The following ARHGDIA variants were observed in gnomAD, a reference collection of about 807,000 sequenced individuals.
ARHGDIA encodes rho GDP-dissociation inhibitor 1.
Under a neutral mutation model 25.0 loss-of-function variants are expected in ARHGDIA, and 9 were observed. The observed-to-expected ratio is 0.36, with a 90% confidence interval of 0.22 to 0.63. ARHGDIA has a LOEUF of 0.63. Ranked by LOEUF, ARHGDIA falls within the 20% of genes least tolerant of loss-of-function variation. ARHGDIA has a pLI of 0.69. For missense variants in ARHGDIA, 239 were observed against 264.3 expected, an observed-to-expected ratio of 0.90 and a Z score of 0.66; for synonymous variants, 166 against 111.5, an observed-to-expected ratio of 1.49 and a Z score of -3.08.
intron 3 of ARHGDIA, 57 bp downstream of exon 3, chr17:81,869,485 A>G (rs542316722): frequency 9.3e-5 from 149 of 1,607,198 alleles, no homozygotes; most frequent in Non-Finnish European, 1.2e-4. Context: ...CCCTGGCTGC[A>G]CTTCCCGAGA....
Position 81,869,734 on chromosome 17 carries a change from G to C in ARHGDIA, c.190+7C>G. The C allele has an allele frequency of 6.2e-7, 1 of 1,611,434 alleles. No individual in the cohort carries two copies. Among genetic ancestry groups the C allele is most frequent in the African/African-American group, 1.3e-5 (1 of 74,988 alleles). On this transcript the variant is annotated splice_region_variant and intron_variant, in intron 2 of 5. Coordinates refer to ENST00000269321, the MANE Select transcript of ARHGDIA (RefSeq NM_004309.6). ...GCGGCCACCCGGCTCCCGCAGCCCA[G>C]ACTCACCTGCGGAAACGGCCACGCG...
In ARHGDIA at chr17:81,868,734, CCAGGCCAGGGAGG is replaced by C. The variant is rs970320215; in HGVS notation, c.*129_*141del. The C allele has an allele frequency of 2.3e-5, 36 of 1,534,630 alleles. No individual in the cohort carries two copies. The highest frequency in any genetic ancestry group is 5.9e-5 in the Admixed American group (3 of 50,824). On this transcript the variant is annotated 3_prime_UTR_variant, in exon 6 of 6. Transcript: ENST00000269321. ...GGGGGGTCGGAGGCACTCGGTTGAG[CCAGGCCAGGGAGG>C]CGGACCAGGGTGGGAGGGGCACGGA...
At chr17:81,869,274 C>T (rs764587753) in intron 4 of ARHGDIA, 38 bp from the exon 5 acceptor site, 8 of 1,613,956 alleles carry the variant, frequency 5.0e-6, no homozygotes, top group African/African-American at 1.3e-5. Context: ...AAGGTCGGTC[C>T]GGACCCCAGC....
At position 81,869,402 on chromosome 17, in the gene ARHGDIA, G is replaced by A. The variant is rs759048894; in HGVS notation, c.279C>T (p.Asp93=). The part of the protein sequence containing the change: ...PGPLELDLTG[D]LESFKKQSFV... ...ACGACTGCTTCTTGAAGCTCTCCAG[G>A]TCGCCTGTTGGGGGGACCTCCCCCT... Residue 93 remains aspartate, a synonymous_variant, in exon 4 of 6, where the codon GAC becomes GAT. Coordinates refer to ENST00000269321, the MANE Select transcript of ARHGDIA (RefSeq NM_004309.6). 2.5e-6 allele frequency: 4 copies of A among 1,613,838 alleles called. No individual in the cohort carries two copies. The highest frequency in any genetic ancestry group is 3.4e-6 in the Non-Finnish European group (4 of 1,179,974).
In ARHGDIA at chr17:81,869,360, A is replaced by G. The variant is rs2039191384; in HGVS notation, c.321T>C (p.Gly107=). ...AAGAGATTTTTATCCGGTACTCCAC[A>G]CCCTCCTTCAGCACAAACGACTGCT... is the stretch of plus-strand genomic sequence containing the variant. ...FKKQSFVLKE[G]VEYRIKISFR... The change falls in exon 4 of 6, where the codon GGT becomes GGC. Residue 107 remains glycine (G), a synonymous_variant. Coordinates refer to ENST00000269321, the MANE Select transcript of ARHGDIA (RefSeq NM_004309.6). The G allele has an allele frequency of 1.2e-6, 2 of 1,613,100 alleles. No homozygotes were observed. Among genetic ancestry groups the G allele is most frequent in the African/African-American group, 2.7e-5 (2 of 74,632 alleles).
At chr17:81,871,084 GC>G (rs2039283000) in intron 1 of ARHGDIA, 1 of 147,058 alleles carries the variant, frequency 6.8e-6, no homozygotes, top group Non-Finnish European at 1.5e-5. Flanking sequence ...GGCCGCCGCC[GC>G]CCGGTCCCGC....
chr17:81,871,018 C>T (rs1598284017), intron 1 of ARHGDIA: 1 of 149,834 alleles, frequency 6.7e-6, no homozygotes, highest in African/African-American at 2.4e-5. Context: ...CGGGAGGGGC[C>T]GGCACTCCCC....
At chr17:81,870,216 A>G in intron 1 of ARHGDIA, 1 of 441,906 alleles carries the variant, frequency 2.3e-6, no homozygotes, top group Non-Finnish European at 4.1e-6. Flanking sequence ...TCCACGATGG[A>G]GGAGGCAGCA....
Position 81,868,699 on chromosome 17 carries a change from G to A in ARHGDIA, c.*177C>T, listed in dbSNP as rs970517789. 7.2e-6 allele frequency: 11 copies of A among 1,534,288 alleles called. No homozygotes were observed. Among genetic ancestry groups the A allele is most frequent in the Non-Finnish European group, 9.6e-6 (11 of 1,146,556 alleles). ...GGAGGCTGGGCCTGTGGGTGGGGGA[G>A]GGCTGAGGAGGGGGGTCGGAGGCAC... On this transcript the variant is annotated 3_prime_UTR_variant, in exon 6 of 6. Coordinates refer to ENST00000269321, the MANE Select transcript of ARHGDIA (RefSeq NM_004309.6).
In ARHGDIA at chr17:81,869,752, G is replaced by A. The variant is rs764329956; in HGVS notation, c.179C>T (p.Ala60Val). The A allele has an allele frequency of 6.2e-7, 1 of 1,612,948 alleles. No individual in the cohort carries two copies. The highest frequency in any genetic ancestry group is 2.2e-5 in the East Asian group (1 of 44,882). The change falls in exon 2 of 6, where the codon GCC becomes GTC. Residue 60 changes from alanine (A) to valine (V), a missense_variant. By Grantham distance (64) the Ala-to-Val change is moderately conservative (BLOSUM62 0). Transcript: ENST00000269321. ...CAGCCCAGACTCACCTGCGGAAACGGCCACGCGGCCCAGCAGGGCCTCCTT... is the reference window on the plus strand; with the variant it reads ...CAGCCCAGACTCACCTGCGGAAACGACCACGCGGCCCAGCAGGGCCTCCTT... ...KYKEALLGRVAVSADPNVPNV... is the reference protein window; with the variant it reads ...KYKEALLGRVVVSADPNVPNV...
In ARHGDIA at chr17:81,868,575, G is replaced by A; in HGVS notation, c.*301C>T. ...GAAGCCAGGCCTCGGGTGTGACGGG[G>A]AGATAGAACCTGGGGGGCACAGAAA... On this transcript the variant is annotated 3_prime_UTR_variant, in exon 6 of 6. Coordinates refer to ENST00000269321, the MANE Select transcript of ARHGDIA (RefSeq NM_004309.6). 2 of 1,535,462 alleles carry A rather than the reference G, an allele frequency of 1.3e-6. No individual in the cohort carries two copies. Among genetic ancestry groups the A allele is most frequent in the Non-Finnish European group, 1.7e-6 (2 of 1,146,684 alleles).
rs886337329 is a variant in ARHGDIA at position 81,868,821 on chromosome 17, C to T, written c.*55G>A. On this transcript the variant is annotated 3_prime_UTR_variant, in exon 6 of 6. Coordinates refer to ENST00000269321, the MANE Select transcript of ARHGDIA (RefSeq NM_004309.6). ...GGGAGGGGAGGGGCTGGGGGGGACA[C>T]ATCCGCCTGTCCGTCGTCCGTCCGT... 8 of 1,610,192 alleles carry T rather than the reference C, an allele frequency of 5.0e-6. No individual in the cohort carries two copies. The African/African-American group carries it at 6.7e-5, about 13-fold the overall frequency.
rs1460530512 is a variant in ARHGDIA at position 81,868,639 on chromosome 17, G to A, written c.*237C>T. ...CTGGCTGCGGCCTCTCTCCCCCACA[G>A]CACAGGCAGAAGCAGCAACGAGACA... is the stretch of plus-strand genomic sequence containing the variant. On this transcript the variant is annotated 3_prime_UTR_variant, in exon 6 of 6. Coordinates refer to ENST00000269321, the MANE Select transcript of ARHGDIA (RefSeq NM_004309.6). 1.3e-6 allele frequency: 2 copies of A among 1,535,262 alleles called. No homozygotes were observed. The highest frequency in any genetic ancestry group is 1.7e-6 in the Non-Finnish European group (2 of 1,146,784).
intron 1 of ARHGDIA, 101 bp from the exon 2 acceptor site, chr17:81,870,058 AG>A: frequency 8.3e-7 from 1 of 1,203,408 alleles, no homozygotes; most frequent in Non-Finnish European, 1.1e-6. Context: ...AAGGGCTCCA[AG>A]GGGGCCACCT....
Position 81,868,814 on chromosome 17 carries a change from G to T in ARHGDIA, c.*62C>A, listed in dbSNP as rs767150158. The stretch of plus-strand genomic sequence containing the variant: ...TGGTATGGGGAGGGGAGGGGCTGGG[G>T]GGGACACATCCGCCTGTCCGTCGTC... On this transcript the variant is annotated 3_prime_UTR_variant, in exon 6 of 6. Transcript: ENST00000269321. 1.2e-6 allele frequency: 2 copies of T among 1,607,334 alleles called. No homozygotes were observed. The highest frequency in any genetic ancestry group is 4.5e-5 in the East Asian group (2 of 44,664).
intron 4 of ARHGDIA, 34 bp downstream of exon 4, chr17:81,869,296 C>T: frequency 5.0e-6 from 8 of 1,614,096 alleles, no homozygotes; most frequent in Non-Finnish European, 6.8e-6. Context: ...CCAGCCCCGC[C>T]TCCATTCCCT....
chr17:81,868,848 A>C lies in ARHGDIA; in HGVS notation c.*28T>G, dbSNP rs2039159629. ...TCCGCCTGTCCGTCGTCCGTCCGTC[A>C]GTCTGCCCTGCCCGCCTCTGGCTGG... On this transcript the variant is annotated 3_prime_UTR_variant, in exon 6 of 6. Transcript: ENST00000269321. 1 of 1,612,992 alleles carries C rather than the reference A, an allele frequency of 6.2e-7. No individual in the cohort carries two copies.
At chr17:81,869,449 G>A (rs772569168) in intron 3 of ARHGDIA, 43 bp from the exon 4 acceptor site, 6 of 1,612,616 alleles carry the variant, frequency 3.7e-6, no homozygotes, top group Admixed American at 3.3e-5. Context: ...CAGCAGCCCT[G>A]CGCGAAGCCC....
In ARHGDIA at chr17:81,869,094, G is replaced by A. The variant is rs780734602; in HGVS notation, c.416-19C>T. On this transcript the variant is annotated intron_variant, in intron 5 of 5. Coordinates refer to ENST00000269321, the MANE Select transcript of ARHGDIA (RefSeq NM_004309.6). ...TTGTCAACTGCGGCACAAGGAAGAG[G>A]GCGGTCAGCGGCCCCGCTTCCCCGC... 3 of 1,612,638 alleles carry A rather than the reference G, an allele frequency of 1.9e-6. No individual in the cohort carries two copies. The highest frequency in any genetic ancestry group is 4.5e-5 in the East Asian group (2 of 44,846).
Sources: gnomAD v4.1 joint callset for allele counts on GRCh38, gnomAD v4.1.1 for gene constraint, MANE v1.5 for transcripts, NCBI Gene and HGNC (gene_info 2026-07-23, HGNC 2026-07-21) for gene names.